LEPR: variants seen among roughly 807,000 people sequenced by gnomAD.
The protein encoded by LEPR is OB receptor.
LEPR carries 56 observed loss-of-function variants against 114.7 expected under a neutral mutation model. The observed-to-expected ratio is 0.49, with a 90% CI of 0.39 to 0.61. LEPR has a LOEUF of 0.61. Ranked by LOEUF, LEPR falls within the 20% of genes least tolerant of loss-of-function variation. LEPR has a pLI of 0.00. For synonymous variants in LEPR, 443 were observed against 461.4 expected (o/e 0.96, Z 0.51); for missense variants, 1,202 against 1,352.9 (o/e 0.89, Z 1.75).
chr1:65,624,747 A>G (rs1390440001), intron 19 of LEPR, among the ~76,000 whole-genome samples: 3 of 152,222 alleles, frequency 2.0e-5, no homozygotes, highest in Non-Finnish European at 4.4e-5. Flanking sequence ...CGAATGGCCT[A>G]TGATTTGCAG....
chr1:65,481,913 A>ATTAG (rs1198270229), intron 2 of LEPR, among the ~76,000 whole-genome samples: 1 of 151,702 alleles, frequency 6.6e-6, no homozygotes, highest in Non-Finnish European at 1.5e-5. Context: ...AAAAGAGGAA[A>ATTAG]TTAGCATTTT....
In LEPR at chr1:65,596,735, T is replaced by C. The variant is rs1656091047; in HGVS notation, c.849+142T>C. 1.1e-5 allele frequency: 8 copies of C among 713,372 alleles called. No individual in the cohort carries two copies. In the East Asian group the frequency reaches 1.7e-4, roughly 15 times the overall value. The allele number at this position is 713,372 out of a possible 1,614,324, so 44.2% of individuals were successfully genotyped here. On this transcript the variant is annotated intron_variant, in intron 7 of 19. Coordinates refer to ENST00000349533, the MANE Select transcript of LEPR (RefSeq NM_002303.6). The stretch of plus-strand genomic sequence containing the variant: ...AATTATAATTCAACATTTCATATTA[T>C]ATATCATATATAGATAGATATACGT...
At chr1:65,545,759 C>T (rs971177604) in intron 2 of LEPR, among the ~76,000 whole-genome samples, 4 of 151,984 alleles carry the variant, frequency 2.6e-5, no homozygotes, top group Admixed American at 2.6e-4. Flanking sequence ...TTGTAGGTTG[C>T]CTGTTCACTC....
intron 19 of LEPR, among the ~76,000 whole-genome samples, chr1:65,624,350 TA>T (rs144765566): frequency 0.013 from 1,951 of 152,282 alleles, 37 homozygotes; most frequent in African/African-American, 0.045. Flanking sequence ...TTATTCTCTC[TA>T]TTTTGCAAAA....
At chr1:65,550,907 C>A (rs145017153) in intron 2 of LEPR, among the ~76,000 whole-genome samples, 1 of 151,992 alleles carries the variant, frequency 6.6e-6, no homozygotes, top group African/African-American at 2.4e-5. Context: ...CCGTCTTCTG[C>A]GTGGCTCACA....
chr1:65,453,579 G>A (rs556976437), intron 2 of LEPR, among the ~76,000 whole-genome samples: 1 of 152,154 alleles, frequency 6.6e-6, no homozygotes, highest in African/African-American at 2.4e-5. Flanking sequence ...TTTCCATGTA[G>A]TTGAGCGGTT....
chr1:65,630,644 G>A (rs963475257), intron 19 of LEPR, among the ~76,000 whole-genome samples: 1 of 151,504 alleles, frequency 6.6e-6, no homozygotes, highest in African/African-American at 2.4e-5. Context: ...GACCCTCTGC[G>A]TAGATCTTCC....
chr1:65,636,805 C>T lies in LEPR; in HGVS notation c.3288C>T (p.Asp1096=), dbSNP rs1658734868. The T allele has an allele frequency of 2.5e-6, 4 of 1,613,898 alleles. No individual in the cohort carries two copies. Among genetic ancestry groups the T allele is most frequent in the Non-Finnish European group, 3.4e-6 (4 of 1,180,004 alleles). The change falls in exon 20 of 20, where the codon GAC becomes GAT. Residue 1096 remains aspartate, a synonymous_variant. Transcript: ENST00000349533. ...GAGAGAGTGGTGTGCTTTTGACTGA[C>T]AAGTCAAGGGTATCGTGCCCATTCC... ...KKRESGVLLT[D]KSRVSCPFPA...
At chr1:65,596,043 T>C (rs922065720) in intron 6 of LEPR, among the ~76,000 whole-genome samples, 2 of 152,088 alleles carry the variant, frequency 1.3e-5, no homozygotes, top group African/African-American at 4.8e-5. Flanking sequence ...TATTTCCAAA[T>C]AGTGTTCTGC....
intron 2 of LEPR, among the ~76,000 whole-genome samples, chr1:65,556,129 A>T (rs1188741181): frequency 4.6e-5 from 7 of 152,096 alleles, no homozygotes; most frequent in Non-Finnish European, 1.0e-4. Flanking sequence ...GCTGCAGCGG[A>T]GCTTGTTCAC....
rs1399482973 is a variant in LEPR at position 65,621,194 on chromosome 1, A to T, written c.2492-159A>T. Among the ~76,000 whole-genome samples, 5 of 152,202 alleles carry T rather than the reference A, an allele frequency of 3.3e-5. No individual in the cohort carries two copies. In the East Asian group the frequency reaches 7.7e-4, roughly 23 times the overall value. On this transcript the variant is annotated intron_variant, in intron 17 of 19. Transcript: ENST00000349533. The stretch of plus-strand genomic sequence containing the variant: ...AAATAATAAGTATTTTATTAATGTG[A>T]TCACAACATATTTTTATCTTCATTT...
rs1170063102 is a variant in LEPR at position 65,420,691 on chromosome 1, A to G, written c.-146A>G. On this transcript the variant is annotated 5_prime_UTR_variant, in exon 1 of 20. Transcript: ENST00000349533. ...GCAGGCTGCCCGGGCCGTGGCAGGA[A>G]GCCGGAAGCAGCCGCGGCCCCAGTT... is the stretch of plus-strand genomic sequence containing the variant. 8.3e-6 allele frequency: 13 copies of G among 1,572,288 alleles called. No individual in the cohort carries two copies. Among genetic ancestry groups the G allele is most frequent in the Middle Eastern group, 1.9e-4 (1 of 5,266 alleles).
In LEPR at chr1:65,613,616, G is replaced by A. The variant is rs1657322120; in HGVS notation, c.1996-2392G>A. 4.6e-5 allele frequency among the ~76,000 whole-genome samples: 6 copies of A among 130,340 alleles called. 2 individuals are homozygous for A. The highest frequency in any genetic ancestry group is 2.3e-4 in the South Asian group (1 of 4,258). 85.5% of individuals were successfully genotyped at this position (130,340 alleles called of 152,430 possible). On this transcript the variant is annotated intron_variant, in intron 14 of 19. Transcript: ENST00000349533. ...AAAATACAAAAAATTAGCCGGGCGC[G>A]GTGGCGGGCGCCTGTAGTCCCAGCT...
intron 2 of LEPR, among the ~76,000 whole-genome samples, chr1:65,545,443 T>C (rs1335326370): frequency 8.6e-5 from 13 of 151,428 alleles, no homozygotes; most frequent in Admixed American, 4.6e-4. Context: ...AGTGTTCCTA[T>C]TTCTCCACAT....
intron 5 of LEPR, among the ~76,000 whole-genome samples, chr1:65,574,746 C>T (rs1179890132): frequency 1.3e-5 from 2 of 152,100 alleles, no homozygotes; most frequent in Non-Finnish European, 2.9e-5. Context: ...CCAGAAATGT[C>T]TTAATGAGCC....
chr1:65,616,273 C>A, intron 15 of LEPR, 49 bp downstream of exon 15: 1 of 1,563,066 alleles, frequency 6.4e-7, no homozygotes, highest in South Asian at 1.1e-5. Flanking sequence ...TAATATTTAA[C>A]TTTTGCAAAC....
At chr1:65,488,226 C>CTCTCTCTCTTTCTTTCTTTCTT (rs1553157734) in intron 2 of LEPR, among the ~76,000 whole-genome samples, 12 of 67,956 alleles carry the variant, frequency 1.8e-4, no homozygotes, top group South Asian at 5.7e-4. Flanking sequence ...CTCTCTCTCT[C>CTCTCTCTCTTTCTTTCTTTCTT]TCTTTCTTTC....
In LEPR at chr1:65,488,180, CTT is replaced by C. The variant is rs1166477256; in HGVS notation, c.-21+62804_-21+62805del. 3.0e-4 allele frequency among the ~76,000 whole-genome samples: 5 copies of C among 16,590 alleles called. 1 individual carries two copies. The highest frequency in any genetic ancestry group is 8.1e-4 in the African/African-American group (3 of 3,708). 10.9% of individuals were successfully genotyped at this position (16,590 alleles called of 152,430 possible). On this transcript the variant is annotated intron_variant, in intron 2 of 19. Coordinates refer to ENST00000349533, the MANE Select transcript of LEPR (RefSeq NM_002303.6). ...CCTTCCTTTCTTTCTTTCTTTCTTT[CTT>C]TCTTTCTTTCTTTCTTTCTTTCTTT...
intron 2 of LEPR, among the ~76,000 whole-genome samples, chr1:65,514,125 A>G (rs1404896930): frequency 1.3e-5 from 2 of 152,224 alleles, no homozygotes; most frequent in Admixed American, 1.3e-4. Flanking sequence ...TAAACAAACA[A>G]TCCAATTGAC....
Sources: gnomAD v4.1 joint callset for allele counts (sites outside exome capture counted in the v4.1 genomes callset) on GRCh38, gnomAD v4.1.1 for gene constraint, MANE v1.5 for transcripts, NCBI Gene and HGNC (gene_info 2026-07-23, HGNC 2026-07-21) for gene names.